The following RPS3 variants were observed in gnomAD, a reference collection of about 807,000 sequenced individuals.
RPS3 encodes the protein ribosomal protein S3, also known as small ribosomal subunit protein uS3.
In RPS3, 2 loss-of-function variants were observed where a neutral mutation model predicts 25.8. That is an observed-to-expected ratio of 0.08 (90% CI 0.03 to 0.24). The LOEUF (loss-of-function observed/expected upper bound fraction) is 0.24. Among genes scored for constraint, RPS3 ranks in the 10% least tolerant of loss-of-function variants. RPS3 has a pLI of 1.00. For synonymous variants in RPS3, 114 were observed against 114.2 expected (o/e 1.00, Z 0.01); for missense variants, 107 against 307.1 (o/e 0.35, Z 4.87).
At chr11:75,409,965 A>T (rs1296324580), downstream of RPS3, among the ~76,000 whole-genome samples, 2 of 114,452 alleles carry the variant, frequency 1.7e-5, no homozygotes. Context: ...TCCCTCCCGG[A>T]CGGGGCGGCT....
intron 6 of RPS3, among the ~76,000 whole-genome samples, chr11:75,412,102 A>G (rs1948362220): frequency 6.6e-6 from 1 of 152,056 alleles, no homozygotes. Context: ...CCAAACAAGG[A>G]CTCATCTTCC....
In RPS3 at chr11:75,406,651, A is replaced by G. The variant is rs2135060410; in HGVS notation, c.*1041A>G. 6.6e-6 allele frequency: 1 copy of G among 152,348 alleles called. No individual in the cohort carries two copies. The highest frequency in any genetic ancestry group is 2.4e-5 in the African/African-American group (1 of 41,568). The allele number at this position is 152,348 out of a possible 1,614,324, so 9.4% of individuals were successfully genotyped here. On this transcript the variant is annotated 3_prime_UTR_variant, in exon 7 of 7. Coordinates refer to ENST00000531188, the MANE Select transcript of RPS3 (RefSeq NM_001005.5). ...TTCCTTTTTGACTCATAAATTGGTC[A>G]TCTTAACCATTTAAGTGTACACTTC...
chr11:75,416,721 G>T (rs1193198754), intron 6 of RPS3, among the ~76,000 whole-genome samples: 1 of 152,064 alleles, frequency 6.6e-6, no homozygotes, highest in African/African-American at 2.4e-5. Flanking sequence ...GCCTCCCAAA[G>T]TGCTGGGATT....
At chr11:75,419,042 A>G (rs1948423655) in intron 6 of RPS3, among the ~76,000 whole-genome samples, 1 of 152,168 alleles carries the variant, frequency 6.6e-6, no homozygotes, top group Non-Finnish European at 1.5e-5. Context: ...CCGGGGAAGC[A>G]TAGCACAGCA....
At chr11:75,400,608 G>A (rs1948195296) in intron 1 of RPS3, 86 bp from the exon 2 acceptor site, 1 of 1,566,262 alleles carries the variant, frequency 6.4e-7, no homozygotes, top group South Asian at 1.1e-5. Flanking sequence ...GGTGAGGGAT[G>A]CATTGACTAA....
chr11:75,402,565 GT>G, intron 4 of RPS3, 119 bp downstream of exon 4: 1 of 1,059,494 alleles, frequency 9.4e-7, no homozygotes, highest in Non-Finnish European at 1.3e-6. Context: ...GTCTCCCAGG[GT>G]TATAATAAGA....
chr11:75,419,971 ATCCT>A (rs1948429485), intron 6 of RPS3, among the ~76,000 whole-genome samples: 1 of 152,244 alleles, frequency 6.6e-6, no homozygotes, highest in Non-Finnish European at 1.5e-5. Flanking sequence ...GTCATAAAAT[ATCCT>A]TACAAATAGA....
chr11:75,403,933 C>T, intron 4 of RPS3, 87 bp from the exon 5 acceptor site: 1 of 1,282,800 alleles, frequency 7.8e-7, no homozygotes, highest in South Asian at 1.4e-5. Flanking sequence ...ATTAAAGGAA[C>T]ATTGAAAACC....
chr11:75,402,476 C>T (rs991952905), intron 4 of RPS3, 30 bp downstream of exon 4: 25 of 1,581,094 alleles, frequency 1.6e-5, no homozygotes, highest in Non-Finnish European at 2.2e-5. Flanking sequence ...ATGGTCATGA[C>T]CTTTTGTGTG....
intron 1 of RPS3, 87 bp downstream of exon 1, chr11:75,399,664 C>T (rs1438681830): frequency 6.6e-6 from 8 of 1,205,378 alleles, no homozygotes; most frequent in Non-Finnish European, 9.7e-6. Context: ...CCTGCAGCTC[C>T]GTGGCCTGCC....
downstream of RPS3, among the ~76,000 whole-genome samples, chr11:75,408,526 A>G (rs1000319533): frequency 3.3e-5 from 5 of 152,050 alleles, no homozygotes; most frequent in Admixed American, 1.3e-4. Context: ...CTAAGAAGAT[A>G]TGGGAGGCCA....
chr11:75,401,869 T>C (rs1343068326), intron 3 of RPS3, 136 bp downstream of exon 3: 4 of 631,368 alleles, frequency 6.3e-6, no homozygotes, highest in Non-Finnish European at 1.1e-5. Context: ...TAATGAATAA[T>C]GGGCTTAACT....
chr11:75,409,040 G>T (rs1280234394), downstream of RPS3, among the ~76,000 whole-genome samples: 1 of 152,056 alleles, frequency 6.6e-6, no homozygotes, highest in Non-Finnish European at 1.5e-5. Flanking sequence ...GAATGCAGTG[G>T]TAGTGGCACA....
At chr11:75,405,077 A>T (rs1198252975) in intron 6 of RPS3, 17 of 417,764 alleles carry the variant, frequency 4.1e-5, no homozygotes, top group Non-Finnish European at 5.1e-5. Context: ...TTCCAGAAAG[A>T]AGTTCCTGCT....
At chr11:75,408,261 G>A (rs908627346), downstream of RPS3, among the ~76,000 whole-genome samples, 6 of 152,254 alleles carry the variant, frequency 3.9e-5, no homozygotes, top group African/African-American at 1.2e-4. Context: ...CCAGCACTTC[G>A]GGAGGCCAAG....
Position 75,401,626 on chromosome 11 carries a change from C to G in RPS3, c.162-14C>G. The G allele has an allele frequency of 1.3e-6, 2 of 1,574,848 alleles. No homozygotes were observed. Among genetic ancestry groups the G allele is most frequent in the Non-Finnish European group, 1.7e-6 (2 of 1,144,414 alleles). ...CATTTGTGAGAATCTTGAATTGTCA[C>G]TTTTCCCCCCCAGAACACAGAATGT... On this transcript the variant is annotated splice_polypyrimidine_tract_variant and intron_variant, in intron 2 of 6. Coordinates refer to ENST00000531188, the MANE Select transcript of RPS3 (RefSeq NM_001005.5).
chr11:75,420,810 G>A (rs1177456613), intron 6 of RPS3, among the ~76,000 whole-genome samples: 3 of 151,890 alleles, frequency 2.0e-5, no homozygotes, highest in African/African-American at 7.3e-5. Flanking sequence ...GGAGGGCAGC[G>A]GATAAGGAAG....
At chr11:75,411,615 C>A (rs1393242308), downstream of RPS3, among the ~76,000 whole-genome samples, 2 of 152,022 alleles carry the variant, frequency 1.3e-5, no homozygotes, top group Non-Finnish European at 2.9e-5. Context: ...TGGTCTCGAT[C>A]TCCTGACCTC....
At chr11:75,414,565 C>T (rs1028992507) in intron 6 of RPS3, among the ~76,000 whole-genome samples, 1 of 151,482 alleles carries the variant, frequency 6.6e-6, no homozygotes, top group African/African-American at 2.4e-5. Flanking sequence ...GAGCTGAGAT[C>T]GCGCCACTGC....
Sources: allele counts gnomAD v4.1 joint callset (sites outside exome capture counted in the v4.1 genomes callset), GRCh38; gene constraint gnomAD v4.1.1; transcripts MANE v1.5; gene names NCBI Gene and HGNC (gene_info 2026-07-23, HGNC 2026-07-21).